STAT4: variants seen among roughly 807,000 people sequenced by gnomAD.
STAT4 encodes the protein signal transducer and activator of transcription 4.
Under a neutral mutation model 110.5 loss-of-function variants are expected in STAT4, and 42 were observed. That is an observed-to-expected ratio of 0.38 (90% confidence interval 0.30 to 0.49). The LOEUF is 0.49. STAT4 is among the 20% of genes least tolerant of loss of function. STAT4 has a pLI of 0.95. For synonymous variants in STAT4, 284 were observed against 302.2 expected (o/e 0.94, Z 0.63); for missense variants, 632 against 887.9 (o/e 0.71, Z 3.66).
intron 3 of STAT4, among the ~76,000 whole-genome samples, chr2:191,087,640 C>T (rs1009308328): frequency 1.1e-4 from 16 of 152,046 alleles, no homozygotes; most frequent in Admixed American, 1.0e-3. Flanking sequence ...CTTGTTATGA[C>T]CAGCTTCTTA....
rs1028548398 is a variant in STAT4 at position 191,062,592 on chromosome 2, T to C, written c.941+170A>G. 6.6e-6 allele frequency among the ~76,000 whole-genome samples: 1 copy of C among 152,174 alleles called. No homozygotes were observed. The highest frequency in any genetic ancestry group is 2.4e-5 in the African/African-American group (1 of 41,436). ...GGTGAGAGAAGTGTTGATGAATAAA[T>C]AGTGAAGAGTAGAAATGTGGTTTCT... On this transcript the variant is annotated intron_variant, in intron 9 of 23. Transcript: ENST00000392320. This position sits in a 1 kb window ranked among gnomAD's most constrained non-coding sequence, Gnocchi z 4.9.
chr2:191,070,178 G>T (rs1697102827), intron 5 of STAT4, among the ~76,000 whole-genome samples: 2 of 152,020 alleles, frequency 1.3e-5, no homozygotes, highest in Non-Finnish European at 2.9e-5. Flanking sequence ...ATTTAAATAT[G>T]CTGTAGCTTA....
At chr2:191,071,871 A>G (rs1697165245) in intron 5 of STAT4, among the ~76,000 whole-genome samples, 2 of 152,312 alleles carry the variant, frequency 1.3e-5, no homozygotes, top group South Asian at 4.1e-4. Flanking sequence ...AAGGGGATGG[A>G]GCTAAGTGAG....
chr2:191,053,406 G>C lies in STAT4; in HGVS notation c.1251+1084C>G, dbSNP rs16833224. ...CGTCACATTTTCAGGCCCTGGCAGA[G>C]CATGTACTCAAACCCAGGTTTTCTA... On this transcript the variant is annotated intron_variant, in intron 14 of 23. Transcript: ENST00000392320. The surrounding 1 kb of genome is among the most constrained non-coding windows in gnomAD (Gnocchi z 4.5). Among the ~76,000 whole-genome samples the C allele has an allele frequency of 0.12, 18,132 of 152,206 alleles. 1,202 individuals are homozygous for C. The highest frequency in any genetic ancestry group is 0.22 in the Middle Eastern group (66 of 294).
In STAT4 at chr2:191,051,800, AC is replaced by A. The variant is rs35593987; in HGVS notation, c.1251+2689del. 0.2 allele frequency among the ~76,000 whole-genome samples: 30,995 copies of A among 152,070 alleles called. 3,906 individuals are homozygous for A. Among genetic ancestry groups the A allele is most frequent in the East Asian group, 0.46 (2,349 of 5,144 alleles). On this transcript the variant is annotated intron_variant, in intron 14 of 23. Transcript: ENST00000392320. The surrounding 1 kb of genome is among the most constrained non-coding windows in gnomAD (Gnocchi z 5.6). ...AGCAGGGACACGGGATCAGACTGCC[AC>A]GGTTTTATCTTGGCCCTGCCATCAA...
rs1428035762 is a variant in STAT4, at chr2:191,142,370, T to G, written c.273+4243A>C. On this transcript the variant is annotated intron_variant, in intron 3 of 23. Coordinates refer to ENST00000392320, the MANE Select transcript of STAT4 (RefSeq NM_003151.4). The surrounding 1 kb of genome is among the most constrained non-coding windows in gnomAD (Gnocchi z 4.1). ...AATAAGCCAGGCACAGAAAGACAAA[T>G]ATCGCATGTTCTCACTCATATGTGG... is the stretch of plus-strand genomic sequence containing the variant. Among the ~76,000 whole-genome samples the G allele has an allele frequency of 6.6e-6, 1 of 151,982 alleles. No individual in the cohort carries two copies.
chr2:191,074,256 G>T (rs963131238), intron 4 of STAT4, among the ~76,000 whole-genome samples: 11 of 152,184 alleles, frequency 7.2e-5, no homozygotes, highest in African/African-American at 2.7e-4. Context: ...CTTAAGTTGG[G>T]TGGGGAGCCA....
intron 5 of STAT4, among the ~76,000 whole-genome samples, chr2:191,072,218 A>T (rs1697180184): frequency 6.6e-6 from 1 of 152,198 alleles, no homozygotes; most frequent in African/African-American, 2.4e-5. Context: ...CACTTGATTA[A>T]TGTGCTTAAG....
rs1002146618 is a variant in STAT4, at chr2:191,142,891, T to C, written c.273+3722A>G. On this transcript the variant is annotated intron_variant, in intron 3 of 23. Coordinates refer to ENST00000392320, the MANE Select transcript of STAT4 (RefSeq NM_003151.4). The surrounding 1 kb of genome is among the most constrained non-coding windows in gnomAD (Gnocchi z 4.1). ...CATGAAACTCTCTAGTATGATATTGTAATGGTAGATATATGACATTATGCA... is the reference window on the plus strand; with the variant it reads ...CATGAAACTCTCTAGTATGATATTGCAATGGTAGATATATGACATTATGCA... Among the ~76,000 whole-genome samples, 1 of 152,174 alleles carries C rather than the reference T, an allele frequency of 6.6e-6. No homozygotes were observed. Among genetic ancestry groups the C allele is most frequent in the African/African-American group, 2.4e-5 (1 of 41,438 alleles).
At chr2:191,101,778 C>T (rs1698156066) in intron 3 of STAT4, among the ~76,000 whole-genome samples, 1 of 151,844 alleles carries the variant, frequency 6.6e-6, no homozygotes, top group African/African-American at 2.4e-5. Flanking sequence ...TTGAAATTGT[C>T]ACTTTATAGT....
At chr2:191,049,270 G>C (rs536521926) in intron 14 of STAT4, among the ~76,000 whole-genome samples, 24 of 150,894 alleles carry the variant, frequency 1.6e-4, no homozygotes, top group Admixed American at 1.3e-3. Flanking sequence ...TGCCTCCCGG[G>C]TTCATGCCAT....
chr2:191,040,340 T>A (rs1696155082), intron 15 of STAT4, among the ~76,000 whole-genome samples: 1 of 152,152 alleles, frequency 6.6e-6, no homozygotes, highest in Non-Finnish European at 1.5e-5. Context: ...TTCTGTGAGT[T>A]TTTATGTAAA....
intron 3 of STAT4, among the ~76,000 whole-genome samples, chr2:191,136,717 C>A (rs1699188425): frequency 6.6e-6 from 1 of 151,438 alleles, no homozygotes; most frequent in African/African-American, 2.4e-5. Flanking sequence ...CACCACTGAA[C>A]TCTATCTAGT....
chr2:191,096,641 T>C (rs1697992638), intron 3 of STAT4, among the ~76,000 whole-genome samples: 1 of 152,166 alleles, frequency 6.6e-6, no homozygotes, highest in South Asian at 2.1e-4. Context: ...GAGCTATTTA[T>C]GAAAAACCTA....
chr2:191,129,586 C>T (rs532578407), intron 3 of STAT4, among the ~76,000 whole-genome samples: 7 of 152,236 alleles, frequency 4.6e-5, no homozygotes, highest in Non-Finnish European at 8.8e-5. Context: ...AAGACTTTAA[C>T]ATGTCACTTT....
chr2:191,100,116 TC>T (rs1294584781), intron 3 of STAT4, among the ~76,000 whole-genome samples: 4 of 152,146 alleles, frequency 2.6e-5, no homozygotes, highest in Non-Finnish European at 5.9e-5. Context: ...AAATTAGAAC[TC>T]CTAAAGCAAG....
chr2:191,047,707 C>T (rs1483836242), intron 14 of STAT4, among the ~76,000 whole-genome samples: 1 of 152,080 alleles, frequency 6.6e-6, no homozygotes, highest in East Asian at 1.9e-4. Flanking sequence ...GCTCTGTCAC[C>T]CAGGCAGGAG....
In STAT4 at chr2:191,147,994, A is replaced by C. The variant is rs1199750228; in HGVS notation, c.128+82T>G. ...AAAAGAATGCATCTACTGAGTAAAA[A>C]GTGGACCATAAAATAAATTCACATG... On this transcript the variant is annotated intron_variant, in intron 2 of 23. Transcript: ENST00000392320. The surrounding 1 kb of genome is among the most constrained non-coding windows in gnomAD (Gnocchi z 4.1). 1.3e-6 allele frequency: 2 copies of C among 1,582,366 alleles called. No homozygotes were observed. Among genetic ancestry groups the C allele is most frequent in the Non-Finnish European group, 1.7e-6 (2 of 1,165,164 alleles).
intron 3 of STAT4, among the ~76,000 whole-genome samples, chr2:191,141,512 C>CACATACATACATAT (rs1699329657): frequency 7.1e-6 from 1 of 141,784 alleles, no homozygotes; most frequent in Non-Finnish European, 1.5e-5. Context: ...TATATACATA[C>CACATACATACATAT]ACATATGTAT....
Sources: allele counts gnomAD v4.1 joint callset (sites outside exome capture counted in the v4.1 genomes callset), GRCh38; gene constraint gnomAD v4.1.1; non-coding constraint Gnocchi (gnomAD v3.1); transcripts MANE v1.5; gene names NCBI Gene and HGNC (gene_info 2026-07-23, HGNC 2026-07-21).